Variants in LZTFL1 observed in about 807,000 individuals in gnomAD.
The protein encoded by LZTFL1 is leucine zipper transcription factor like 1.
Under a neutral mutation model 45.9 loss-of-function variants are expected in LZTFL1, and 25 were observed. The observed-to-expected ratio is 0.54, with a 90% confidence interval of 0.40 to 0.76. The LOEUF (loss-of-function observed/expected upper bound fraction) is 0.76. Among genes scored for constraint, LZTFL1 ranks in the 30% least tolerant of loss-of-function variants. The pLI, the probability that LZTFL1 is intolerant of heterozygous loss-of-function variation, is 0.00. For missense variants in LZTFL1, 277 were observed against 331.1 expected (o/e 0.84, Z 1.27); for synonymous variants, 93 against 117.4 (o/e 0.79, Z 1.35).
upstream of LZTFL1, among the ~76,000 whole-genome samples, chr3:45,846,211 C>T (rs1701214451): frequency 6.6e-6 from 1 of 152,166 alleles, no homozygotes; most frequent in African/African-American, 2.4e-5. Flanking sequence ...CCCTGTTTCC[C>T]ATGTTAAATG....
intron 1 of LZTFL1, among the ~76,000 whole-genome samples, chr3:45,914,526 G>A (rs143647330): frequency 1.4e-4 from 21 of 152,070 alleles, no homozygotes; most frequent in Non-Finnish European, 3.1e-4. Context: ...CTCCTGCCTC[G>A]GCCACCCAAA....
At chr3:45,883,670 GC>G in intron 2 of LZTFL1, 1 of 536,418 alleles carries the variant, frequency 1.9e-6, no homozygotes, top group Non-Finnish European at 3.5e-6. Flanking sequence ...CTTTGCAGAT[GC>G]CCACATCATG....
upstream of LZTFL1, among the ~76,000 whole-genome samples, chr3:45,844,655 T>A (rs2125697561): frequency 6.6e-6 from 1 of 152,294 alleles, no homozygotes; most frequent in East Asian, 1.9e-4. Context: ...AACTTCCCCA[T>A]CTTGCCCCAC....
At chr3:45,915,068 G>C (rs2125777443) in intron 1 of LZTFL1, among the ~76,000 whole-genome samples, 1 of 152,282 alleles carries the variant, frequency 6.6e-6, no homozygotes, top group South Asian at 2.1e-4. Flanking sequence ...GAACAAACCG[G>C]CTTGTCTTTC....
chr3:45,914,615 GA>G (rs968166117), intron 1 of LZTFL1, among the ~76,000 whole-genome samples: 1 of 152,136 alleles, frequency 6.6e-6, no homozygotes, highest in African/African-American at 2.4e-5. Flanking sequence ...TAAAGCAAGA[GA>G]ACCTTCTCCT....
intron 2 of LZTFL1, among the ~76,000 whole-genome samples, chr3:45,859,199 A>G (rs1701441665): frequency 6.6e-6 from 1 of 152,210 alleles, no homozygotes; most frequent in Non-Finnish European, 1.5e-5. Flanking sequence ...TTCATGTAAT[A>G]ATGAACTTAA....
chr3:45,909,369 C>T (rs9831791), intron 2 of LZTFL1, among the ~76,000 whole-genome samples: 3 of 152,212 alleles, frequency 2.0e-5, no homozygotes, highest in Non-Finnish European at 2.9e-5. Flanking sequence ...AATGAAGATG[C>T]ACATACCCCT....
chr3:45,833,395 G>A (rs962738119), intron 4 of LZTFL1, among the ~76,000 whole-genome samples: 1 of 152,072 alleles, frequency 6.6e-6, no homozygotes, highest in African/African-American at 2.4e-5. Flanking sequence ...AGGAAAATGA[G>A]GGAAGAAAGG....
chr3:45,911,672 G>A (rs1013516878), intron 2 of LZTFL1, among the ~76,000 whole-genome samples: 2 of 152,240 alleles, frequency 1.3e-5, no homozygotes, highest in African/African-American at 4.8e-5. Flanking sequence ...CCCCTAGGCA[G>A]GGGAAGAGGA....
At chr3:45,881,042 T>C (rs1335406006) in intron 2 of LZTFL1, among the ~76,000 whole-genome samples, 1 of 152,230 alleles carries the variant, frequency 6.6e-6, no homozygotes, top group Non-Finnish European at 1.5e-5. Context: ...GAAGGGATGA[T>C]TTTTATCATT....
intron 3 of LZTFL1, among the ~76,000 whole-genome samples, chr3:45,857,564 C>A (rs1701413521): frequency 6.6e-6 from 1 of 152,184 alleles, no homozygotes. Flanking sequence ...TCACACCTGA[C>A]TTTTCGGACT....
At chr3:45,865,713 A>G (rs541305318) in intron 2 of LZTFL1, among the ~76,000 whole-genome samples, 47 of 152,376 alleles carry the variant, frequency 3.1e-4, no homozygotes, top group African/African-American at 1.0e-3. Context: ...TAAAAATGAT[A>G]CAGTCATTTG....
chr3:45,838,041 C>T lies in LZTFL1; in HGVS notation c.14G>A (p.Gly5Asp). The T allele has an allele frequency of 1.3e-6, 2 of 1,593,976 alleles. No homozygotes were observed. Among genetic ancestry groups the T allele is most frequent in the Non-Finnish European group, 8.5e-7 (1 of 1,174,296 alleles). MAEL[G>D]LNEHHQNEVI... ...TTCATTTTGATGGTGCTCATTTAGG[C>T]CCAACTCTGCCTGAAAAAGAAAGAG... The change falls in exon 2 of 10, where the codon GGC (glycine) becomes GAC (aspartate). Residue 5 changes from glycine (G) to aspartate (D), a missense_variant. By Grantham distance (94) the Gly-to-Asp change is moderately conservative. Transcript: ENST00000296135.
chr3:45,859,097 T>A (rs1393247064), intron 2 of LZTFL1: 2 of 152,260 alleles, frequency 1.3e-5, no homozygotes. Context: ...TCTATTCTCC[T>A]GGATGGTGCT....
rs147237215 is a variant in LZTFL1 at position 45,865,927 on chromosome 3, A to G, written c.-214-6911T>C. Among the ~76,000 whole-genome samples, 114 of 152,380 alleles carry G rather than the reference A, an allele frequency of 7.5e-4. 1 individual carries two copies. Among genetic ancestry groups the G allele is most frequent in the African/African-American group, 2.6e-3 (109 of 41,586 alleles). On this transcript the variant is annotated intron_variant, in intron 2 of 4. Transcript: ENST00000472635. ...CAATGAATGGATAACAAACTGGTAT[A>G]GGCCATGTAATCGAATACTATTCCA...
intron 2 of LZTFL1, among the ~76,000 whole-genome samples, chr3:45,860,464 C>CT (rs11291259): frequency 3.2e-4 from 48 of 148,694 alleles, no homozygotes; most frequent in African/African-American, 8.6e-4. Flanking sequence ...CTTATAAATG[C>CT]TTTTTTTTTT....
chr3:45,896,802 C>T (rs1209053951), intron 2 of LZTFL1, among the ~76,000 whole-genome samples: 2 of 152,250 alleles, frequency 1.3e-5, no homozygotes, highest in African/African-American at 2.4e-5. Flanking sequence ...TATTCCATCT[C>T]CCCCATTGCC....
chr3:45,894,098 C>T (rs931006737), intron 2 of LZTFL1, among the ~76,000 whole-genome samples: 2 of 152,166 alleles, frequency 1.3e-5, no homozygotes, highest in Non-Finnish European at 2.9e-5. Context: ...GCACAGACTT[C>T]GTCCTCGAAG....
At chr3:45,859,411 G>A (rs1448813813) in intron 2 of LZTFL1, among the ~76,000 whole-genome samples, 1 of 151,996 alleles carries the variant, frequency 6.6e-6, no homozygotes, top group African/African-American at 2.4e-5. Flanking sequence ...TGTTGTTGTA[G>A]AGACAGCGTC....
Sources: gnomAD v4.1 joint callset for allele counts (sites outside exome capture counted in the v4.1 genomes callset) on GRCh38, gnomAD v4.1.1 for gene constraint, MANE v1.5 for transcripts, NCBI Gene and HGNC (gene_info 2026-07-23, HGNC 2026-07-21) for gene names.